BLM: variants seen among roughly 807,000 people sequenced by gnomAD.
BLM encodes the protein BLM RecQ like helicase.
A neutral mutation model predicts 135.3 loss-of-function variants in BLM; 95 were observed. That is an observed-to-expected ratio of 0.70 (90% CI 0.59 to 0.83). The LOEUF is 0.83. Among genes scored for constraint, BLM ranks in the 40% least tolerant of loss-of-function variants. The probability of loss-of-function intolerance (pLI) is 0.00; values close to 1 mark genes in which losing one functional copy is unlikely to be tolerated. For synonymous variants in BLM, 520 were observed against 589.2 expected (o/e 0.88, Z 1.70); for missense variants, 1,518 against 1,663.9 (o/e 0.91, Z 1.53).
chr15:90,766,060 G>A (rs1271242916), intron 9 of BLM, among the ~76,000 whole-genome samples: 1 of 152,226 alleles, frequency 6.6e-6, no homozygotes, highest in Non-Finnish European at 1.5e-5. Context: ...AGTGGGTCAT[G>A]ATCATGCCAC....
Position 90,805,127 on chromosome 15 carries a change from T to C in BLM, c.3751+768T>C, listed in dbSNP as rs574281443. On this transcript the variant is annotated intron_variant, in intron 19 of 21. Coordinates refer to ENST00000355112, the MANE Select transcript of BLM (RefSeq NM_000057.4). Reference sequence around the variant, plus strand: ...CTGGGATTATAGGCGTGAGCCACCATGCGCGGCCGAAACTTATTCTTTTTT... The same window carrying C: ...CTGGGATTATAGGCGTGAGCCACCACGCGCGGCCGAAACTTATTCTTTTTT... Among the ~76,000 whole-genome samples, 322 of 142,864 alleles carry C rather than the reference T, an allele frequency of 2.3e-3. 1 individual carries two copies. Among genetic ancestry groups the C allele is most frequent in the African/African-American group, 8.1e-3 (311 of 38,510 alleles). The allele number at this position is 142,864 out of a possible 152,430, so 93.7% of individuals were successfully genotyped here.
In BLM at chr15:90,749,397, A is replaced by G. The variant is rs767605181; in HGVS notation, c.129A>G (p.Ser43=). ...TCACTTTTAAAAAGAAAACATCTTC[A>G]GATAACAATGTATCTGTAACTAATG... ...SGFTFKKKTS[S]DNNVSVTNVS... Residue 43 remains serine (S), a synonymous_variant, in exon 3 of 22, where the codon TCA becomes TCG. Coordinates refer to ENST00000355112, the MANE Select transcript of BLM (RefSeq NM_000057.4). The G allele has an allele frequency of 1.1e-5, 17 of 1,606,420 alleles. No homozygotes were observed. The Admixed American group carries it at 1.3e-4, about 13-fold the overall frequency.
At chr15:90,760,303 G>A (rs750985699) in intron 6 of BLM, 24 bp downstream of exon 6, 1 of 1,613,138 alleles carries the variant, frequency 6.2e-7, no homozygotes, top group Non-Finnish European at 8.5e-7. Flanking sequence ...CCCCCTTCTG[G>A]AATATATCTG....
At chr15:90,746,651 T>TA (rs1402842406) in intron 1 of BLM, among the ~76,000 whole-genome samples, 1 of 152,114 alleles carries the variant, frequency 6.6e-6, no homozygotes, top group Non-Finnish European at 1.5e-5. Context: ...AGATGTCTAG[T>TA]AAAGGTAGGG....
At chr15:90,752,951 T>C (rs1895727159) in intron 4 of BLM, among the ~76,000 whole-genome samples, 1 of 152,256 alleles carries the variant, frequency 6.6e-6, no homozygotes, top group African/African-American at 2.4e-5. Flanking sequence ...TCAGATCCAG[T>C]GTAGTGCCTT....
intron 4 of BLM, 145 bp downstream of exon 4, chr15:90,752,091 C>A: frequency 5.1e-6 from 4 of 783,866 alleles, no homozygotes; most frequent in Non-Finnish European, 7.8e-6. Context: ...CAAAAAAAAA[C>A]CCTGTTTATA....
At position 90,741,441 on chromosome 15, in the gene BLM, A is replaced by G. The variant is rs367723237; in HGVS notation, c.-4-5948A>G. ...TTAGTGTCTTTAATTAGTCCTGGAA[A>G]AGTCCCAGCTGTTATCTTTTCAAAT... is the stretch of plus-strand genomic sequence containing the variant. On this transcript the variant is annotated intron_variant, in intron 1 of 21. Transcript: ENST00000355112. Among the ~76,000 whole-genome samples, 6 of 152,128 alleles carry G rather than the reference A, an allele frequency of 3.9e-5. No individual in the cohort carries two copies. In the East Asian group the frequency reaches 5.8e-4, roughly 15 times the overall value.
At chr15:90,796,569 A>C (rs556976035) in intron 16 of BLM, among the ~76,000 whole-genome samples, 3 of 152,360 alleles carry the variant, frequency 2.0e-5, no homozygotes, top group Admixed American at 1.3e-4. Context: ...AAAAACAGGC[A>C]TCCAGCTCCT....
At chr15:90,800,221 C>T (rs1316139573) in intron 17 of BLM, among the ~76,000 whole-genome samples, 1 of 152,200 alleles carries the variant, frequency 6.6e-6, no homozygotes, top group Non-Finnish European at 1.5e-5. Context: ...GGAACCCAAA[C>T]CAGACTGACA....
intron 1 of BLM, among the ~76,000 whole-genome samples, chr15:90,728,433 G>C (rs1894974310): frequency 6.6e-6 from 1 of 152,118 alleles, no homozygotes; most frequent in Admixed American, 6.5e-5. Flanking sequence ...GTCTCACTCT[G>C]TCACCCAGAC....
At chr15:90,804,064 A>C in intron 18 of BLM, 103 bp from the exon 19 acceptor site, 1 of 1,108,886 alleles carries the variant, frequency 9.0e-7, no homozygotes, top group Non-Finnish European at 1.3e-6. Flanking sequence ...GCATGACAGA[A>C]TAGAATTGCC....
At position 90,803,654 on chromosome 15, in the gene BLM, T is replaced by C. The variant is rs762058424; in HGVS notation, c.3492T>C (p.Asn1164=). The C allele has an allele frequency of 1.7e-5, 28 of 1,614,062 alleles. No individual in the cohort carries two copies. Among genetic ancestry groups the C allele is most frequent in the Non-Finnish European group, 2.2e-5 (26 of 1,180,040 alleles). The change falls in exon 18 of 22, where the codon AAT becomes AAC. Residue 1164 remains asparagine, a synonymous_variant. Coordinates refer to ENST00000355112, the MANE Select transcript of BLM (RefSeq NM_000057.4). ...ILDEDLYINA[N]DQAIAYVMLG... is the part of the protein sequence containing the mutation. ...ATGAAGACTTATATATCAATGCCAA[T>C]GACCAGGCGATCGCTTATGTGATGC... is the stretch of plus-strand genomic sequence containing the variant.
At chr15:90,783,641 T>C (rs1896670864) in intron 13 of BLM, among the ~76,000 whole-genome samples, 1 of 152,240 alleles carries the variant, frequency 6.6e-6, no homozygotes, top group African/African-American at 2.4e-5. Flanking sequence ...GGTTCACGCC[T>C]GTAATCTCAG....
intron 1 of BLM, among the ~76,000 whole-genome samples, chr15:90,726,665 CCA>C (rs1272280982): frequency 6.6e-6 from 1 of 152,176 alleles, no homozygotes; most frequent in Non-Finnish European, 1.5e-5. Flanking sequence ...TTTTTAGGTT[CCA>C]CATATGAGTG....
At chr15:90,757,596 T>G (rs1895852101) in intron 5 of BLM, among the ~76,000 whole-genome samples, 1 of 152,116 alleles carries the variant, frequency 6.6e-6, no homozygotes, top group African/African-American at 2.4e-5. Flanking sequence ...CCCAGGCCAT[T>G]CTTGTGCAGA....
chr15:90,789,987 G>GTTTGTTTTTTTT (rs1567056055), intron 14 of BLM, among the ~76,000 whole-genome samples: 1 of 57,358 alleles, frequency 1.7e-5, no homozygotes, highest in Non-Finnish European at 3.6e-5. Context: ...AGTCCCTGGT[G>GTTTGTTTTTTTT]TTTTTTTTTT....
chr15:90,810,468 T>C (rs896612993), intron 20 of BLM, among the ~76,000 whole-genome samples: 8 of 152,206 alleles, frequency 5.3e-5, no homozygotes, highest in Non-Finnish European at 7.3e-5. Flanking sequence ...GTGCCCTCCA[T>C]GCTGCTCCTG....
intron 1 of BLM, among the ~76,000 whole-genome samples, chr15:90,739,170 C>G (rs1038059094): frequency 6.6e-6 from 1 of 152,026 alleles, no homozygotes; most frequent in African/African-American, 2.4e-5. Context: ...CTGAGACAGG[C>G]AGATCACAAG....
At chr15:90,743,170 G>A (rs1349074418) in intron 1 of BLM, among the ~76,000 whole-genome samples, 1 of 151,350 alleles carries the variant, frequency 6.6e-6, no homozygotes, top group Non-Finnish European at 1.5e-5. Context: ...CTAAAGATGG[G>A]ATCTCCCTGT....
Sources: allele counts gnomAD v4.1 joint callset (sites outside exome capture counted in the v4.1 genomes callset), GRCh38; gene constraint gnomAD v4.1.1; transcripts MANE v1.5; gene names NCBI Gene and HGNC (gene_info 2026-07-23, HGNC 2026-07-21).